VPS13D: variants seen among roughly 807,000 people sequenced by gnomAD.
The protein encoded by VPS13D is intermembrane lipid transfer protein VPS13D.
In VPS13D, 187 loss-of-function variants were observed where a neutral mutation model predicts 461.9. That is an observed-to-expected ratio of 0.40 (90% CI 0.36 to 0.46). The LOEUF (loss-of-function observed/expected upper bound fraction) is 0.46, where lower values mean the gene tolerates loss of function less well. Ranked by LOEUF, VPS13D falls within the 20% of genes least tolerant of loss-of-function variation. VPS13D has a pLI of 0.60. For missense variants in VPS13D, 4,711 were observed against 5,364.9 expected, an observed-to-expected ratio of 0.88 and a Z score of 3.81; for synonymous variants, 1,951 against 1,986.3, an observed-to-expected ratio of 0.98 and a Z score of 0.47.
chr1:12,289,070 G>A (rs1642053090), intron 22 of VPS13D, among the ~76,000 whole-genome samples: 1 of 152,124 alleles, frequency 6.6e-6, no homozygotes, highest in Non-Finnish European at 1.5e-5. Context: ...TCGAACTCCT[G>A]ACCTCAAGTC....
chr1:12,499,972 A>G, intron 68 of VPS13D: 1 of 985,414 alleles, frequency 1.0e-6, no homozygotes, highest in Non-Finnish European at 1.2e-6. Flanking sequence ...ATTTCCCTTC[A>G]GAGTTAACCC....
intron 60 of VPS13D, among the ~76,000 whole-genome samples, chr1:12,390,049 T>A (rs1351619308): frequency 1.3e-5 from 2 of 152,266 alleles, no homozygotes; most frequent in African/African-American, 2.4e-5. Flanking sequence ...GTGGTAATCT[T>A]AACTTCCAGT....
intron 21 of VPS13D, among the ~76,000 whole-genome samples, chr1:12,286,200 C>T (rs910768094): frequency 1.4e-4 from 21 of 152,094 alleles, no homozygotes; most frequent in African/African-American, 4.8e-5. Flanking sequence ...GCCTCAGTCC[C>T]TCGAGTAGCT....
At chr1:12,241,196 G>A (rs559935332) in intron 2 of VPS13D, among the ~76,000 whole-genome samples, 1 of 152,314 alleles carries the variant, frequency 6.6e-6, no homozygotes, top group South Asian at 2.1e-4. Context: ...CCCAGCCTCA[G>A]CCTCCCAAAG....
At chr1:12,457,047 G>A (rs1645339537) in intron 66 of VPS13D, among the ~76,000 whole-genome samples, 1 of 152,240 alleles carries the variant, frequency 6.6e-6, no homozygotes, top group Non-Finnish European at 1.5e-5. Context: ...AGATGTTGGT[G>A]ATGGCATGAA....
In VPS13D at chr1:12,345,238, A is replaced by G. The variant is rs1052766109; in HGVS notation, c.8886-136A>G. 3.1e-6 allele frequency: 3 copies of G among 969,014 alleles called. No homozygotes were observed. In the African/African-American group the frequency reaches 4.9e-5, roughly 16 times the overall value. The allele number at this position is 969,014 out of a possible 1,614,324, so 60.0% of individuals were successfully genotyped here. A position where few individuals can be genotyped will look rare whatever the true frequency, so the allele number is the denominator to read the frequency against. ...AAACTGTGCTCCTGATTTCCCTTGCATTAGGTAATCTCCAAAAGGTTTAGC... is the reference window on the plus strand; with the variant it reads ...AAACTGTGCTCCTGATTTCCCTTGCGTTAGGTAATCTCCAAAAGGTTTAGC... On this transcript the variant is annotated intron_variant, in intron 42 of 69. Transcript: ENST00000620676.
intron 63 of VPS13D, among the ~76,000 whole-genome samples, chr1:12,413,620 C>T (rs181048068): frequency 2.4e-4 from 36 of 152,242 alleles, no homozygotes; most frequent in African/African-American, 7.9e-4. Context: ...TACAGGCGCA[C>T]GCCACCATGC....
chr1:12,471,300 CA>C (rs1446412662), intron 67 of VPS13D, among the ~76,000 whole-genome samples: 1 of 151,430 alleles, frequency 6.6e-6, no homozygotes. Context: ...GACTCTGTCT[CA>C]AAAAAAGAAG....
chr1:12,371,390 CTT>C (rs1286829007), intron 54 of VPS13D, among the ~76,000 whole-genome samples: 40 of 135,124 alleles, frequency 3.0e-4, no homozygotes, highest in Admixed American at 6.7e-4. Flanking sequence ...ATGCTTCATT[CTT>C]TTTTTTTTTT....
At chr1:12,361,382 T>C (rs1057269288) in intron 50 of VPS13D, among the ~76,000 whole-genome samples, 2 of 141,284 alleles carry the variant, frequency 1.4e-5, no homozygotes, top group Admixed American at 1.4e-4. Flanking sequence ...TTTATTTATT[T>C]ATTTATTTAT....
At chr1:12,496,758 G>T (rs1645963347) in intron 67 of VPS13D, among the ~76,000 whole-genome samples, 1 of 152,218 alleles carries the variant, frequency 6.6e-6, no homozygotes, top group African/African-American at 2.4e-5. Context: ...GACAACATCA[G>T]CCTACCCTGA....
intron 65 of VPS13D, among the ~76,000 whole-genome samples, chr1:12,436,053 A>T (rs1302959523): frequency 6.6e-6 from 1 of 152,244 alleles, no homozygotes; most frequent in South Asian, 2.1e-4. Context: ...GCAAGTTCAC[A>T]ACTATGTATG....
chr1:12,250,735 G>A (rs903219628), intron 6 of VPS13D, among the ~76,000 whole-genome samples: 13 of 152,276 alleles, frequency 8.5e-5, no homozygotes, highest in Admixed American at 7.8e-4. Context: ...GGAGTGAAAA[G>A]TGGAGCCAGG....
At chr1:12,318,542 T>C (rs1399657523) in intron 31 of VPS13D, among the ~76,000 whole-genome samples, 1 of 152,200 alleles carries the variant, frequency 6.6e-6, no homozygotes, top group African/African-American at 2.4e-5. Context: ...GCGGGGTCGC[T>C]TGTCCCTGTC....
At chr1:12,308,787 G>A in intron 27 of VPS13D, 146 bp downstream of exon 27, 1 of 731,648 alleles carries the variant, frequency 1.4e-6, no homozygotes, top group East Asian at 2.7e-5. Flanking sequence ...AAGTAGCTGG[G>A]ATTACAGGCA....
rs372047083 is a variant in VPS13D at position 12,276,286 on chromosome 1, C to T, written c.2698C>T (p.Leu900Phe). The change falls in exon 19 of 70, where the codon CTC becomes TTC. Residue 900 changes from leucine to phenylalanine, a missense_variant. This residue lies in a region of VPS13D where 4,411 missense variants were observed against 4,937.8 expected (regional missense o/e 0.89). Transcript: ENST00000620676. This position sits in a 1 kb window ranked among gnomAD's most constrained non-coding sequence, Gnocchi z 4.5. ...KISALKNCFA[L>F]LTTPEMKTSD... ...ATCTGCACTAAAGAATTGCTTTGCT[C>T]TCCTCACCACCCCAGAAATGAAAAC... is the stretch of plus-strand genomic sequence containing the variant. 1.2e-6 allele frequency: 2 copies of T among 1,614,024 alleles called. No individual in the cohort carries two copies. The highest frequency in any genetic ancestry group is 1.7e-6 in the Non-Finnish European group (2 of 1,180,028).
chr1:12,506,783 G>A (rs1215841760), intron 68 of VPS13D, 70 bp from the exon 69 acceptor site: 15 of 1,566,600 alleles, frequency 9.6e-6, no homozygotes, highest in African/African-American at 5.4e-5. Flanking sequence ...CACAGAGCCC[G>A]CAGTGGGCCT....
intron 21 of VPS13D, among the ~76,000 whole-genome samples, chr1:12,285,672 A>C (rs1641945124): frequency 1.3e-5 from 2 of 152,202 alleles, no homozygotes; most frequent in African/African-American, 4.8e-5. Context: ...AACAATGGAC[A>C]TACCACAATG....
chr1:12,428,886 G>A (rs954442980), intron 65 of VPS13D, among the ~76,000 whole-genome samples: 2 of 152,232 alleles, frequency 1.3e-5, no homozygotes, highest in Non-Finnish European at 2.9e-5. Flanking sequence ...AGGCAGAGAA[G>A]GAGTAAGTAA....
Sources: allele counts gnomAD v4.1 joint callset (sites outside exome capture counted in the v4.1 genomes callset), GRCh38; gene constraint gnomAD v4.1.1; regional missense constraint gnomAD v4.1.1; non-coding constraint Gnocchi (gnomAD v3.1); transcripts MANE v1.5; gene names NCBI Gene and HGNC (gene_info 2026-07-23, HGNC 2026-07-21).